CD44: variants seen among roughly 807,000 people sequenced by gnomAD.
CD44 encodes CD44 antigen.
In CD44, 49 loss-of-function variants were observed where a neutral mutation model predicts 88.8. That is an observed-to-expected ratio of 0.55 (90% CI 0.44 to 0.70). CD44 has a LOEUF of 0.70. CD44 is among the 30% of genes least tolerant of loss of function. The pLI, the probability that CD44 is intolerant of heterozygous loss-of-function variation, is 0.00. For synonymous variants in CD44, 325 were observed against 312.3 expected, an observed-to-expected ratio of 1.04 and a Z score of -0.43; for missense variants, 883 against 913.8, an observed-to-expected ratio of 0.97 and a Z score of 0.43.
intron 17 of CD44, among the ~76,000 whole-genome samples, 192 bp downstream of exon 17, chr11:35,221,924 G>A (rs1358512688): frequency 1.3e-5 from 2 of 152,174 alleles, no homozygotes; most frequent in Non-Finnish European, 2.9e-5. Context: ...AAGTTTCCAG[G>A]GATTCATGTG....
At chr11:35,190,508 T>C (rs1463533783) in intron 5 of CD44, 1 of 169,656 alleles carries the variant, frequency 5.9e-6, no homozygotes, top group East Asian at 1.6e-4. Flanking sequence ...AAAAACCCAC[T>C]TATGCCTGAG....
intron 4 of CD44, among the ~76,000 whole-genome samples, chr11:35,187,994 C>T (rs1230237563): frequency 2.0e-5 from 3 of 152,190 alleles, no homozygotes; most frequent in East Asian, 1.9e-4. Context: ...CATGAGCCAC[C>T]ATGCCTGGCC....
intron 5 of CD44, among the ~76,000 whole-genome samples, chr11:35,192,040 A>G (rs1946320766): frequency 6.6e-6 from 1 of 152,228 alleles, no homozygotes; most frequent in Non-Finnish European, 1.5e-5. Context: ...CATGGAGACT[A>G]CATATTATTG....
At chr11:35,144,561 A>AC (rs964442023) in intron 1 of CD44, among the ~76,000 whole-genome samples, 1 of 151,832 alleles carries the variant, frequency 6.6e-6, no homozygotes, top group Non-Finnish European at 1.5e-5. Flanking sequence ...TTTTAAGTGT[A>AC]CCCCCCACAG....
chr11:35,221,190 G>C (rs183675204), intron 16 of CD44, among the ~76,000 whole-genome samples: 1 of 152,086 alleles, frequency 6.6e-6, no homozygotes, highest in African/African-American at 2.4e-5. Flanking sequence ...ATTGTAGTGC[G>C]TAATGCAATA....
At chr11:35,172,532 C>T (rs1256698092) in intron 1 of CD44, among the ~76,000 whole-genome samples, 1 of 152,126 alleles carries the variant, frequency 6.6e-6, no homozygotes, top group Non-Finnish European at 1.5e-5. Flanking sequence ...ATTTTTTTCT[C>T]CCAAATTGAT....
intron 1 of CD44, among the ~76,000 whole-genome samples, chr11:35,157,072 T>C (rs1226682134): frequency 6.6e-6 from 1 of 152,210 alleles, no homozygotes; most frequent in Non-Finnish European, 1.5e-5. Flanking sequence ...GTCTACTCTA[T>C]TGGTCCATAA....
At chr11:35,208,913 TC>T (rs2134158680) in intron 12 of CD44, among the ~76,000 whole-genome samples, 1 of 152,088 alleles carries the variant, frequency 6.6e-6, no homozygotes, top group East Asian at 1.9e-4. Flanking sequence ...ATGGGCAGAG[TC>T]CTTCATATGA....
rs867390021 is a variant in CD44 at position 35,230,228 on chromosome 11, T to G, written c.*895T>G. 1 of 151,968 alleles carries G rather than the reference T, an allele frequency of 6.6e-6. No individual in the cohort carries two copies. The highest frequency in any genetic ancestry group is 1.5e-5 in the Non-Finnish European group (1 of 68,096). 9.4% of individuals were successfully genotyped at this position (151,968 alleles called of 1,614,324 possible). ...TTTTTGTTTTTTGTTTTTTGTTTTT[T>G]TTTTTTGACACTGTCCAAAGGTTTT... On this transcript the variant is annotated 3_prime_UTR_variant, in exon 18 of 18. Coordinates refer to ENST00000428726, the MANE Select transcript of CD44 (RefSeq NM_000610.4).
At chr11:35,186,116 C>T (rs1416289927) in intron 3 of CD44, among the ~76,000 whole-genome samples, 1 of 152,104 alleles carries the variant, frequency 6.6e-6, no homozygotes, top group Non-Finnish European at 1.5e-5. Flanking sequence ...GAAAAATATT[C>T]TGGGCACCTA....
intron 1 of CD44, among the ~76,000 whole-genome samples, chr11:35,170,790 C>A (rs1323515647): frequency 1.3e-5 from 2 of 152,338 alleles, no homozygotes; most frequent in East Asian, 3.9e-4. Context: ...ACACAGACAT[C>A]TGAGGAGTCT....
chr11:35,139,482 G>C, intron 1 of CD44, 112 bp downstream of exon 1: 1 of 922,608 alleles, frequency 1.1e-6, no homozygotes, highest in East Asian at 2.5e-5. Context: ...CAAGTGAGCT[G>C]TCTGCGAAGT....
At position 35,198,144 on chromosome 11, in the gene CD44, G is replaced by T. The variant is rs774998866; in HGVS notation, c.820G>T (p.Ala274Ser). 1.4e-5 allele frequency: 23 copies of T among 1,613,856 alleles called. No individual in the cohort carries two copies. The highest frequency in any genetic ancestry group is 1.9e-5 in the Non-Finnish European group (23 of 1,179,886). ...AGGTACGTCTTCAAATACCATCTCA[G>T]CAGGCTGGGAGCCAAATGAAGAAAA... Reference protein sequence around the residue: ...MAGTSSNTISAGWEPNEENED... With the variant: ...MAGTSSNTISSGWEPNEENED... Residue 274 changes from alanine (A) to serine (S), a missense_variant, in exon 7 of 18, where the codon GCA becomes TCA. Around this residue, in one of 2 missense-constraint regions of CD44, gnomAD observed 631 missense variants for 590.9 expected, o/e 1.07. Transcript: ENST00000428726.
At chr11:35,175,551 G>A (rs1412580810) in intron 1 of CD44, among the ~76,000 whole-genome samples, 1 of 152,226 alleles carries the variant, frequency 6.6e-6, no homozygotes, top group Admixed American at 6.5e-5. Context: ...TGTGTATTCA[G>A]TAAACAAACT....
intron 17 of CD44, among the ~76,000 whole-genome samples, chr11:35,225,540 G>A (rs1949637253): frequency 6.6e-6 from 1 of 152,138 alleles, no homozygotes; most frequent in South Asian, 2.1e-4. Context: ...GCTGTGGCTG[G>A]GCGCGGGGGC....
intron 1 of CD44, among the ~76,000 whole-genome samples, chr11:35,156,690 G>C (rs948619337): frequency 4.6e-5 from 7 of 152,152 alleles, no homozygotes; most frequent in African/African-American, 1.7e-4. Context: ...CACTGAGCTT[G>C]GCTCCAACTA....
chr11:35,175,864 CTTTTTTT>C (rs71457374), intron 1 of CD44, among the ~76,000 whole-genome samples: 23 of 123,146 alleles, frequency 1.9e-4, no homozygotes, highest in African/African-American at 6.5e-4. Flanking sequence ...TTTGTTTGTT[CTTTTTTT>C]TTTTTTTTTT....
chr11:35,156,193 A>T (rs2133246913), intron 1 of CD44, among the ~76,000 whole-genome samples: 1 of 152,292 alleles, frequency 6.6e-6, no homozygotes, highest in South Asian at 2.1e-4. Context: ...TCCAAAGCTT[A>T]AGGGTCTAGC....
At chr11:35,181,886 C>CA (rs571884198) in intron 3 of CD44, among the ~76,000 whole-genome samples, 20 of 53,772 alleles carry the variant, frequency 3.7e-4, no homozygotes, top group East Asian at 1.6e-3. Flanking sequence ...ATATATAATT[C>CA]TATATATAAT....
Sources: gnomAD v4.1 joint callset for allele counts (sites outside exome capture counted in the v4.1 genomes callset) on GRCh38, gnomAD v4.1.1 for gene constraint, gnomAD v4.1.1 regional missense constraint, MANE v1.5 for transcripts, NCBI Gene and HGNC (gene_info 2026-07-23, HGNC 2026-07-21) for gene names.